Variants in SYNE1 observed in about 807,000 individuals in gnomAD.
SYNE1 encodes the protein spectrin repeat containing nuclear envelope protein 1, also known as nesprin-1.
A neutral mutation model predicts 1,111.0 loss-of-function variants in SYNE1; 616 were observed. That is an observed-to-expected ratio of 0.55 (90% CI 0.52 to 0.59). The LOEUF is 0.59. SYNE1 is among the 20% of genes least tolerant of loss of function. The pLI, the probability that SYNE1 is intolerant of heterozygous loss-of-function variation, is 0.00. For synonymous variants in SYNE1, 3,855 were observed against 3,825.8 expected, an observed-to-expected ratio of 1.01 and a Z score of -0.28; for missense variants, 10,006 against 10,417.0, an observed-to-expected ratio of 0.96 and a Z score of 1.72.
At chr6:152,521,497 C>T (rs1055328865) in intron 5 of SYNE1, among the ~76,000 whole-genome samples, 2 of 152,136 alleles carry the variant, frequency 1.3e-5, no homozygotes, top group Non-Finnish European at 2.9e-5. Context: ...TAATCTGTAT[C>T]CTCTCCAACA....
At chr6:152,200,575 C>T (rs6920422) in intron 127 of SYNE1, among the ~76,000 whole-genome samples, 10,060 of 152,062 alleles carry the variant, frequency 0.066, 384 homozygotes, top group African/African-American at 0.11. Flanking sequence ...TTTTAAATTT[C>T]TTTAGATATG....
chr6:152,305,291 A>G (rs781761437), intron 91 of SYNE1, among the ~76,000 whole-genome samples: 172 of 152,198 alleles, frequency 1.1e-3, no homozygotes, highest in Non-Finnish European at 8.8e-4. Flanking sequence ...TTTGAGACAG[A>G]GTCTCTCTCT....
At chr6:152,617,891 G>C (rs1308077471) in intron 3 of SYNE1, among the ~76,000 whole-genome samples, 5 of 152,158 alleles carry the variant, frequency 3.3e-5, no homozygotes, top group Non-Finnish European at 2.9e-5. Flanking sequence ...ACTGAGATTG[G>C]CTTGAAGGAA....
chr6:152,300,565 G>T, intron 93 of SYNE1, 76 bp downstream of exon 93: 2 of 1,599,246 alleles, frequency 1.3e-6, no homozygotes, highest in South Asian at 1.1e-5. Flanking sequence ...TCATACCCAC[G>T]ATCTAATGGA....
rs869025528 is a variant in SYNE1 at position 152,310,492 on chromosome 6, C to T, written c.16923G>A (p.Leu5641=). ...AKDMKKFEAE[L]KKLQAALEQA... ...GCTCCAAGGCAGCTTGTAACTTTTT[C>T]AACTCTGCTTCAAATTTTTTCATAT... Residue 5641 remains leucine, a synonymous_variant, in exon 89 of 146, where the codon TTG becomes TTA. Coordinates refer to ENST00000367255, the MANE Select transcript of SYNE1 (RefSeq NM_182961.4). 3 of 1,614,050 alleles carry T rather than the reference C, an allele frequency of 1.9e-6. No homozygotes were observed. The highest frequency in any genetic ancestry group is 1.6e-4 in the Middle Eastern group (1 of 6,062).
At chr6:152,365,739 T>C (rs573357320) in intron 62 of SYNE1, among the ~76,000 whole-genome samples, 183 of 152,026 alleles carry the variant, frequency 1.2e-3, no homozygotes, top group East Asian at 1.6e-3. Context: ...GGATTGTAAG[T>C]GTAAGCCACT....
intron 126 of SYNE1, among the ~76,000 whole-genome samples, chr6:152,202,371 C>CAAAAAAAAAAAAAAAAAAAATA (rs11350427): frequency 9.0e-6 from 1 of 111,016 alleles, no homozygotes; most frequent in Non-Finnish European, 1.8e-5. Flanking sequence ...AAAAAAAAAG[C>CAAAAAAAAAAAAAAAAAAAATA]AAAAAAAAAA....
chr6:152,363,871 C>A, intron 63 of SYNE1: 1 of 411,744 alleles, frequency 2.4e-6, no homozygotes, highest in Non-Finnish European at 4.9e-6. Context: ...GGGGCTCACA[C>A]TGTATACCAG....
intron 130 of SYNE1, among the ~76,000 whole-genome samples, chr6:152,164,923 A>T (rs139054448): frequency 1.3e-5 from 2 of 152,354 alleles, no homozygotes; most frequent in African/African-American, 4.8e-5. Flanking sequence ...TCTTGGCTCA[A>T]CTGAAGAGGT....
At chr6:152,131,491 A>C (rs1263891055) in intron 144 of SYNE1, among the ~76,000 whole-genome samples, 1 of 152,180 alleles carries the variant, frequency 6.6e-6, no homozygotes, top group East Asian at 1.9e-4. Flanking sequence ...CAAAACAAAA[A>C]ACAAGCTTCT....
chr6:152,197,518 A>C (rs945567780), intron 127 of SYNE1, among the ~76,000 whole-genome samples: 1 of 152,254 alleles, frequency 6.6e-6, no homozygotes, highest in Non-Finnish European at 1.5e-5. Context: ...AGTTGAAATT[A>C]TTCCTTGATC....
chr6:152,539,999 T>C lies in SYNE1; in HGVS notation c.90A>G (p.Lys30=), dbSNP rs1283914250. 5 of 1,613,800 alleles carry C rather than the reference T, an allele frequency of 3.1e-6. No homozygotes were observed. The Admixed American group carries it at 6.7e-5, about 22-fold the overall frequency. The stretch of plus-strand genomic sequence containing the variant: ...AGTTGATCCATTTTGTGAAAGTTCG[T>C]TTTTGTACTATCTCTTGCTCATCTA... ...RLQDEQEIVQ[K]RTFTKWINSH... Residue 30 remains lysine (K), a synonymous_variant, in exon 4 of 146, where the codon AAA becomes AAG. Transcript: ENST00000367255.
At chr6:152,166,845 T>G (rs996501235) in intron 130 of SYNE1, among the ~76,000 whole-genome samples, 1 of 152,236 alleles carries the variant, frequency 6.6e-6, no homozygotes, top group Non-Finnish European at 1.5e-5. Context: ...GCATGGGTAG[T>G]AGGATTAATA....
chr6:152,339,124 A>C, intron 75 of SYNE1, 117 bp downstream of exon 75: 2 of 1,328,264 alleles, frequency 1.5e-6, no homozygotes, highest in Non-Finnish European at 2.1e-6. Context: ...TGGCTGTAGA[A>C]CCATTACATA....
chr6:152,509,776 G>T (rs1252753273), intron 8 of SYNE1, among the ~76,000 whole-genome samples: 2 of 151,952 alleles, frequency 1.3e-5, no homozygotes, highest in Non-Finnish European at 2.9e-5. Flanking sequence ...AATGTTTTTG[G>T]AATGTGTACC....
chr6:152,176,638 T>C, intron 129 of SYNE1, 78 bp from the exon 130 acceptor site: 1 of 1,397,202 alleles, frequency 7.2e-7, no homozygotes, highest in Non-Finnish European at 1.0e-6. Flanking sequence ...AGAAACATGA[T>C]GATTACTGCT....
chr6:152,253,758 T>A (rs9479280), intron 104 of SYNE1, among the ~76,000 whole-genome samples: 9,537 of 149,302 alleles, frequency 0.064, 350 homozygotes, highest in East Asian at 0.13. Flanking sequence ...CAGTGGTAAT[T>A]TGTGCCTCGT....
At chr6:152,605,074 A>AGGGAGGG (rs2099610929) in intron 3 of SYNE1, among the ~76,000 whole-genome samples, 1 of 28,836 alleles carries the variant, frequency 3.5e-5, no homozygotes, top group Non-Finnish European at 6.8e-5. Flanking sequence ...GGGAGGGAGG[A>AGGGAGGG]AAGAAGGAAG....
intron 98 of SYNE1, among the ~76,000 whole-genome samples, chr6:152,275,552 A>T (rs1343248917): frequency 1.3e-5 from 2 of 152,078 alleles, no homozygotes; most frequent in Non-Finnish European, 2.9e-5. Flanking sequence ...CCAACACCAA[A>T]CTATTTTAAT....
Sources: gnomAD v4.1 joint callset for allele counts (sites outside exome capture counted in the v4.1 genomes callset) on GRCh38, gnomAD v4.1.1 for gene constraint, MANE v1.5 for transcripts, NCBI Gene and HGNC (gene_info 2026-07-23, HGNC 2026-07-21) for gene names.